Variants in D2HGDH observed in about 807,000 individuals in gnomAD.
D2HGDH encodes D-2-hydroxyglutarate dehydrogenase, mitochondrial.
D2HGDH carries 31 observed loss-of-function variants against 46.9 expected under a neutral mutation model. The observed-to-expected ratio is 0.66, with a 90% CI of 0.50 to 0.89. The LOEUF (loss-of-function observed/expected upper bound fraction) is 0.89. Among genes scored for constraint, D2HGDH ranks in the 40% least tolerant of loss-of-function variants. The pLI is 0.00. For synonymous variants in D2HGDH, 364 were observed against 332.6 expected (o/e 1.09, Z -1.03); for missense variants, 698 against 720.8 (o/e 0.97, Z 0.36).
intron 8 of D2HGDH, chr2:241,755,410 C>G: frequency 7.7e-7 from 1 of 1,306,724 alleles, no homozygotes; most frequent in Non-Finnish European, 1.0e-6. Context: ...GCGTCCAGGC[C>G]CATTCTCATC....
intron 6 of D2HGDH, chr2:241,749,290 C>T: frequency 7.8e-7 from 1 of 1,287,044 alleles, no homozygotes; most frequent in South Asian, 1.2e-5. Context: ...CCTGTGTCAC[C>T]CAGTGCAGGT....
chr2:241,761,115 A>G (rs990767272), intron 9 of D2HGDH, among the ~76,000 whole-genome samples: 14 of 152,144 alleles, frequency 9.2e-5, no homozygotes, highest in Admixed American at 6.5e-5. Context: ...CGGGCTCCAC[A>G]TCTGCAGATT....
chr2:241,751,119 C>T, intron 7 of D2HGDH, 127 bp from the exon 8 acceptor site: 1 of 1,309,760 alleles, frequency 7.6e-7, no homozygotes, highest in Non-Finnish European at 1.1e-6. Flanking sequence ...GCTCCGCAGG[C>T]TGCCTGGGTC....
In D2HGDH at chr2:241,743,811, A is replaced by G; in HGVS notation, c.680A>G (p.Glu227Gly). The G allele has an allele frequency of 1.9e-6, 3 of 1,599,164 alleles. No individual in the cohort carries two copies. Among genetic ancestry groups the G allele is most frequent in the Non-Finnish European group, 2.6e-6 (3 of 1,173,554 alleles). Residue 227 changes from glutamate (E) to glycine (G), a missense_variant, in exon 5 of 10, where the codon GAA (glutamate) becomes GGA (glycine). Glu to Gly is a moderately conservative substitution (Grantham distance 98). Transcript: ENST00000321264. This position sits in a 1 kb window ranked among gnomAD's most constrained non-coding sequence, Gnocchi z 4.8. Reference protein sequence around the residue: ...GSLHGTVLGLEVVLADGTVLD... With the variant: ...GSLHGTVLGLGVVLADGTVLD... ...CTGCATGGGACTGTCCTGGGCCTGG[A>G]AGTGGTGAGCTGGGGCAGCTGCTTG... is the stretch of plus-strand genomic sequence containing the variant.
chr2:241,743,281 A>C lies in D2HGDH; in HGVS notation c.491-341A>C, dbSNP rs537445803. On this transcript the variant is annotated intron_variant, in intron 4 of 9. Transcript: ENST00000321264. This position sits in a 1 kb window ranked among gnomAD's most constrained non-coding sequence, Gnocchi z 4.8. ...CCTACAAGGTGCCCATGGCACCCCCAACCCAGGCATTGTCCCACATGCCCA... is the reference window on the plus strand; with the variant it reads ...CCTACAAGGTGCCCATGGCACCCCCCACCCAGGCATTGTCCCACATGCCCA... Among the ~76,000 whole-genome samples the C allele has an allele frequency of 7.9e-5, 12 of 152,310 alleles. No individual in the cohort carries two copies. Among genetic ancestry groups the C allele is most frequent in the South Asian group, 6.2e-4 (3 of 4,834 alleles).
rs1401414618 is a variant in D2HGDH at position 241,742,723 on chromosome 2, G to A, written c.490+149G>A. On this transcript the variant is annotated intron_variant, in intron 4 of 9. Transcript: ENST00000321264. This position sits in a 1 kb window ranked among gnomAD's most constrained non-coding sequence, Gnocchi z 4.8. Reference sequence around the variant, plus strand: ...AAGAACCAGCGTCTGTAGCCTGGCCGCCTAGCCCCACCTCGCCCGGCCCCT... The same window carrying A: ...AAGAACCAGCGTCTGTAGCCTGGCCACCTAGCCCCACCTCGCCCGGCCCCT... 7.7e-6 allele frequency: 8 copies of A among 1,041,088 alleles called. No individual in the cohort carries two copies. Among genetic ancestry groups the A allele is most frequent in the Admixed American group, 5.9e-5 (3 of 50,826 alleles). 64.5% of individuals were successfully genotyped at this position (1,041,088 alleles called of 1,614,324 possible).
Position 241,742,725 on chromosome 2 carries a change from C to T in D2HGDH, c.490+151C>T. On this transcript the variant is annotated intron_variant, in intron 4 of 9. Coordinates refer to ENST00000321264, the MANE Select transcript of D2HGDH (RefSeq NM_152783.5). The surrounding 1 kb of genome is among the most constrained non-coding windows in gnomAD (Gnocchi z 4.8). ...GAACCAGCGTCTGTAGCCTGGCCGC[C>T]TAGCCCCACCTCGCCCGGCCCCTCC... 1.0e-6 allele frequency: 1 copy of T among 988,132 alleles called. No individual in the cohort carries two copies. 61.2% of individuals were successfully genotyped at this position (988,132 alleles called of 1,614,324 possible).
rs955755250 is a variant in D2HGDH, at chr2:241,755,677, C to T, written c.1141-172C>T. The T allele has an allele frequency of 4.1e-5, 64 of 1,547,746 alleles. No individual in the cohort carries two copies. The East Asian group carries it at 5.1e-4, about 12-fold the overall frequency. ...AGAGCCCCTCCTGGTCTGGGACATT[C>T]GCTGTCTGGGGTTGGAGCCACACCT... On this transcript the variant is annotated intron_variant, in intron 8 of 9. Transcript: ENST00000321264.
intron 6 of D2HGDH, chr2:241,749,333 T>C (rs1696681356): frequency 1.6e-6 from 2 of 1,288,396 alleles, no homozygotes; most frequent in Non-Finnish European, 2.0e-6. Context: ...TGTGAGACCT[T>C]CTCTCTGGAA....
Position 241,768,157 on chromosome 2 carries a change from G to T in D2HGDH, c.*188G>T. On this transcript the variant is annotated 3_prime_UTR_variant, in exon 10 of 10. Coordinates refer to ENST00000321264, the MANE Select transcript of D2HGDH (RefSeq NM_152783.5). ...TCGGGCAGGAGCATCTGGCAGAGTG[G>T]GGGGCGTGGCAGGCACCCTCCTTTG... is the stretch of plus-strand genomic sequence containing the variant. 1 of 924,672 alleles carries T rather than the reference G, an allele frequency of 1.1e-6. No individual in the cohort carries two copies. Among genetic ancestry groups the T allele is most frequent in the Non-Finnish European group, 1.6e-6 (1 of 634,900 alleles). 57.3% of individuals were successfully genotyped at this position (924,672 alleles called of 1,614,324 possible).
rs543013506 is a variant in D2HGDH at position 241,761,310 on chromosome 2, G to C, written c.1306+5296G>C. 2.6e-4 allele frequency among the ~76,000 whole-genome samples: 40 copies of C among 152,240 alleles called. 1 individual carries two copies. The South Asian group carries it at 7.5e-3, about 28-fold the overall frequency. On this transcript the variant is annotated intron_variant, in intron 9 of 9. Transcript: ENST00000321264. ...TCCCAGCAATACGGGAGGCCAAAGCGGGTGGATCACCGGAGGTCAGGAGTT... is the reference window on the plus strand; with the variant it reads ...TCCCAGCAATACGGGAGGCCAAAGCCGGTGGATCACCGGAGGTCAGGAGTT...
intron 8 of D2HGDH, among the ~76,000 whole-genome samples, chr2:241,752,007 C>CCCTCGGT (rs1313735280): frequency 1.3e-5 from 2 of 149,512 alleles, no homozygotes; most frequent in Non-Finnish European, 3.0e-5. Context: ...ATAGTGGGAG[C>CCCTCGGT]CATTGGTCAC....
Position 241,743,827 on chromosome 2 carries a change from C to T in D2HGDH, c.684+12C>T, listed in dbSNP as rs1695154641. 4 of 1,589,528 alleles carry T rather than the reference C, an allele frequency of 2.5e-6. No individual in the cohort carries two copies. The Admixed American group carries it at 5.3e-5, about 21-fold the overall frequency. On this transcript the variant is annotated intron_variant, in intron 5 of 9. Transcript: ENST00000321264. This position sits in a 1 kb window ranked among gnomAD's most constrained non-coding sequence, Gnocchi z 4.8. ...TGGGCCTGGAAGTGGTGAGCTGGGG[C>T]AGCTGCTTGGTGCAGAGGTCGCCAC...
intron 8 of D2HGDH, 139 bp from the exon 9 acceptor site, chr2:241,755,710 G>C: frequency 6.4e-7 from 1 of 1,567,482 alleles, no homozygotes; most frequent in Non-Finnish European, 8.6e-7. Context: ...CCTGGTCTGG[G>C]GCATTTGCTG....
At position 241,743,308 on chromosome 2, in the gene D2HGDH, G is replaced by T. The variant is rs893592105; in HGVS notation, c.491-314G>T. 5.3e-5 allele frequency among the ~76,000 whole-genome samples: 8 copies of T among 152,244 alleles called. No homozygotes were observed. The highest frequency in any genetic ancestry group is 2.6e-4 in the Admixed American group (4 of 15,292). On this transcript the variant is annotated intron_variant, in intron 4 of 9. Coordinates refer to ENST00000321264, the MANE Select transcript of D2HGDH (RefSeq NM_152783.5). This position sits in a 1 kb window ranked among gnomAD's most constrained non-coding sequence, Gnocchi z 4.8. ...CCCAGGCATTGTCCCACATGCCCAG[G>T]GCAGGATCAGCCCCAGCTGAGAATC...
At chr2:241,747,049 C>A (rs917977379) in intron 6 of D2HGDH, among the ~76,000 whole-genome samples, 3 of 152,010 alleles carry the variant, frequency 2.0e-5, no homozygotes, top group African/African-American at 7.2e-5. Flanking sequence ...CCCCTGGGTT[C>A]AAGCCATCCT....
intron 1 of D2HGDH, 123 bp from the exon 2 acceptor site, chr2:241,735,010 G>T (rs1180878959): frequency 3.6e-6 from 2 of 561,374 alleles, no homozygotes; most frequent in African/African-American, 2.0e-5. Flanking sequence ...GCCCGGGCAG[G>T]GGGAGGGCCC....
At chr2:241,757,852 G>C (rs6751010) in intron 9 of D2HGDH, among the ~76,000 whole-genome samples, 1 of 151,782 alleles carries the variant, frequency 6.6e-6, no homozygotes, top group Non-Finnish European at 1.5e-5. Context: ...CCAGCTACTC[G>C]GGAGGCTGAA....
intron 9 of D2HGDH, among the ~76,000 whole-genome samples, chr2:241,758,574 C>CCG (rs1209293714): frequency 1.3e-5 from 2 of 151,962 alleles, no homozygotes; most frequent in African/African-American, 4.8e-5. Context: ...TCAAGCAGGC[C>CCG]CGCCACCTCA....
Sources: gnomAD v4.1 joint callset for allele counts (sites outside exome capture counted in the v4.1 genomes callset) on GRCh38, gnomAD v4.1.1 for gene constraint, Gnocchi (gnomAD v3.1) non-coding constraint, MANE v1.5 for transcripts, NCBI Gene and HGNC (gene_info 2026-07-23, HGNC 2026-07-21) for gene names.